The following DENND2A variants were observed in gnomAD, a reference collection of about 807,000 sequenced individuals.
DENND2A encodes the protein DENN domain containing 2A.
Under a neutral mutation model 105.3 loss-of-function variants are expected in DENND2A, and 53 were observed. That is an observed-to-expected ratio of 0.50 (90% CI 0.40 to 0.63). The LOEUF (loss-of-function observed/expected upper bound fraction) is 0.63, where lower values mean the gene tolerates loss of function less well. Among genes scored for constraint, DENND2A ranks in the 30% least tolerant of loss-of-function variants. DENND2A has a pLI of 0.00. For missense variants in DENND2A, 1,138 were observed against 1,279.6 expected (o/e 0.89, Z 1.69); for synonymous variants, 522 against 508.4 (o/e 1.03, Z -0.36).
chr7:140,604,438 T>C (rs1403513236), intron 2 of DENND2A, among the ~76,000 whole-genome samples: 2 of 152,266 alleles, frequency 1.3e-5, no homozygotes, highest in African/African-American at 4.8e-5. Context: ...TTCCTAACAG[T>C]GTGTTTACAA....
At chr7:140,583,634 T>C (rs1798636170) in intron 5 of DENND2A, among the ~76,000 whole-genome samples, 1 of 150,480 alleles carries the variant, frequency 6.6e-6, no homozygotes, top group Non-Finnish European at 1.5e-5. Context: ...GACAATCATA[T>C]AAAAGTCAAA....
At chr7:140,550,496 T>C (rs1797087005) in intron 12 of DENND2A, among the ~76,000 whole-genome samples, 1 of 152,174 alleles carries the variant, frequency 6.6e-6, no homozygotes, top group African/African-American at 2.4e-5. Context: ...AATTTTTGTA[T>C]TTTTAGTAGA....
At chr7:140,557,531 A>ATATATATATATATATT (rs1554467351) in intron 11 of DENND2A, among the ~76,000 whole-genome samples, 3 of 39,650 alleles carry the variant, frequency 7.6e-5, no homozygotes, top group Non-Finnish European at 1.0e-4. Flanking sequence ...ATATATATAT[A>ATATATATATATATATT]TTTTTTTTTT....
chr7:140,553,463 T>C (rs1797223679), intron 12 of DENND2A, among the ~76,000 whole-genome samples: 1 of 152,140 alleles, frequency 6.6e-6, no homozygotes, highest in Non-Finnish European at 1.5e-5. Context: ...TGCATTCCTC[T>C]TGTCTCAACT....
At position 140,638,637 on chromosome 7, in the gene DENND2A, G is replaced by C. The variant is rs377379621; in HGVS notation, c.-248+1867C>G. ...GACAGCTCCCGCCTCACCTCTCCCC[G>C]GCATGCACTCACATACTGCAACCCG... is the stretch of plus-strand genomic sequence containing the variant. On this transcript the variant is annotated intron_variant, in intron 1 of 19. Coordinates refer to ENST00000496613, the MANE Select transcript of DENND2A (RefSeq NM_015689.5). 3.9e-5 allele frequency among the ~76,000 whole-genome samples: 6 copies of C among 152,070 alleles called. No homozygotes were observed. The South Asian group carries it at 8.3e-4, about 21-fold the overall frequency.
chr7:140,554,507 G>A (rs889870000), intron 12 of DENND2A, among the ~76,000 whole-genome samples: 4 of 152,074 alleles, frequency 2.6e-5, no homozygotes, highest in East Asian at 1.9e-4. Context: ...GTGGTGGCAC[G>A]CGCCTGTAAT....
intron 1 of DENND2A, among the ~76,000 whole-genome samples, chr7:140,608,282 G>A (rs183017087): frequency 6.6e-6 from 1 of 152,292 alleles, no homozygotes; most frequent in African/African-American, 2.4e-5. Context: ...GAACCCCCCT[G>A]AACACTCAGC....
At chr7:140,596,740 C>T (rs906982980) in intron 3 of DENND2A, among the ~76,000 whole-genome samples, 1 of 152,218 alleles carries the variant, frequency 6.6e-6, no homozygotes, top group African/African-American at 2.4e-5. Context: ...CAAGCTGTCA[C>T]ATGACCAGGT....
rs563122298 is a variant in DENND2A, at chr7:140,520,564, G to GT, written c.2912-847dup. Among the ~76,000 whole-genome samples, 298 of 144,170 alleles carry GT rather than the reference G, an allele frequency of 2.1e-3. 1 individual carries two copies. The highest frequency in any genetic ancestry group is 7.5e-3 in the Middle Eastern group (2 of 268). The allele number at this position is 144,170 out of a possible 152,430, so 94.6% of individuals were successfully genotyped here. A position where few individuals can be genotyped will look rare whatever the true frequency, so the allele number is the denominator to read the frequency against. On this transcript the variant is annotated intron_variant, in intron 18 of 19. Transcript: ENST00000496613. Reference sequence around the variant, plus strand: ...TCATGGACAGAGGGTTCTTTCCAGGGTTTTTTTTTTTTGAGATAGAGTTTC... The same window carrying GT: ...TCATGGACAGAGGGTTCTTTCCAGGGTTTTTTTTTTTTTGAGATAGAGTTTC...
In DENND2A at chr7:140,631,601, A is replaced by C. The variant is rs1800735040; in HGVS notation, c.-248+8903T>G. On this transcript the variant is annotated intron_variant, in intron 1 of 19. Transcript: ENST00000496613. ...AGATGCATCAGTCAGCTGGAGGGTA[A>C]ACAGAGGGCACTGGTCCCCTTCTGA... Among the ~76,000 whole-genome samples the C allele has an allele frequency of 4.6e-5, 7 of 152,252 alleles. No individual in the cohort carries two copies. The South Asian group carries it at 1.5e-3, about 32-fold the overall frequency.
At chr7:140,621,533 GT>G (rs1046719864) in intron 1 of DENND2A, among the ~76,000 whole-genome samples, 1 of 72,712 alleles carries the variant, frequency 1.4e-5, no homozygotes, top group East Asian at 2.7e-4. Context: ...GTTCTGGAAT[GT>G]TTTTTTTCTG....
intron 6 of DENND2A, among the ~76,000 whole-genome samples, chr7:140,573,394 G>A (rs1297044498): frequency 2.6e-5 from 4 of 152,196 alleles, no homozygotes; most frequent in African/African-American, 9.7e-5. Flanking sequence ...TGGCTGCAAA[G>A]AGCCACAAGA....
At chr7:140,553,306 T>C (rs978885621) in intron 12 of DENND2A, among the ~76,000 whole-genome samples, 2 of 152,222 alleles carry the variant, frequency 1.3e-5, no homozygotes, top group Non-Finnish European at 2.9e-5. Context: ...TAGATATGCA[T>C]ACACATAAAC....
At chr7:140,539,757 C>G (rs533515439) in intron 14 of DENND2A, among the ~76,000 whole-genome samples, 4 of 152,264 alleles carry the variant, frequency 2.6e-5, no homozygotes, top group Non-Finnish European at 5.9e-5. Flanking sequence ...CCGTCGCTGC[C>G]GTCATCCTCA....
chr7:140,617,133 C>T (rs1294265891), intron 1 of DENND2A, among the ~76,000 whole-genome samples: 1 of 152,204 alleles, frequency 6.6e-6, no homozygotes, highest in Non-Finnish European at 1.5e-5. Flanking sequence ...GCTGGGATTA[C>T]AGGCGTGAAC....
At chr7:140,573,554 A>C (rs1798179960) in intron 6 of DENND2A, among the ~76,000 whole-genome samples, 1 of 152,088 alleles carries the variant, frequency 6.6e-6, no homozygotes. Context: ...TAGGCATTAA[A>C]ACCTTGTCTG....
At chr7:140,587,119 C>T (rs757154152) in intron 4 of DENND2A, among the ~76,000 whole-genome samples, 4 of 152,194 alleles carry the variant, frequency 2.6e-5, no homozygotes, top group Non-Finnish European at 5.9e-5. Context: ...GTTAGTGCCA[C>T]ACTCTGACAG....
chr7:140,523,353 G>A lies in DENND2A; in HGVS notation c.2619C>T (p.Asn873=), dbSNP rs374442278. ...VALEHILEQR[N]ELACEQDEGP... ...CTTCGTCCTGCTCACAAGCCAGCTC[G>A]TTCCTCTGTTCCAGAATGTGTTCCA... The change falls in exon 17 of 20, where the codon AAC becomes AAT. Residue 873 remains asparagine (N), a synonymous_variant. Transcript: ENST00000496613. The surrounding 1 kb of genome is among the most constrained non-coding windows in gnomAD (Gnocchi z 4.5). The A allele has an allele frequency of 2.4e-5, 38 of 1,614,022 alleles. No individual in the cohort carries two copies. The highest frequency in any genetic ancestry group is 4.4e-5 in the South Asian group (4 of 91,086).
chr7:140,628,817 C>T (rs1800631172), intron 1 of DENND2A, among the ~76,000 whole-genome samples: 1 of 152,118 alleles, frequency 6.6e-6, no homozygotes, highest in African/African-American at 2.4e-5. Flanking sequence ...GCTGGGATTA[C>T]AGGCATGAGC....
Sources: allele counts gnomAD v4.1 joint callset (sites outside exome capture counted in the v4.1 genomes callset), GRCh38; gene constraint gnomAD v4.1.1; non-coding constraint Gnocchi (gnomAD v3.1); transcripts MANE v1.5; gene names NCBI Gene and HGNC (gene_info 2026-07-23, HGNC 2026-07-21).